PDE4D: variants seen among roughly 807,000 people sequenced by gnomAD.
PDE4D encodes the protein phosphodiesterase 4D.
In PDE4D, 24 loss-of-function variants were observed where a neutral mutation model predicts 87.4. That is an observed-to-expected ratio of 0.27 (90% CI 0.20 to 0.39). The LOEUF (loss-of-function observed/expected upper bound fraction) is 0.39. Ranked by LOEUF, PDE4D falls within the 10% of genes least tolerant of loss-of-function variation. The probability of loss-of-function intolerance (pLI) is 1.00; values close to 1 mark genes in which losing one functional copy is unlikely to be tolerated. For missense variants in PDE4D, 714 were observed against 1,041.0 expected, an observed-to-expected ratio of 0.69 and a Z score of 4.32; for synonymous variants, 384 against 383.2, an observed-to-expected ratio of 1.00 and a Z score of -0.02.
At chr5:59,454,615 G>A (rs563726291) in intron 1 of PDE4D, among the ~76,000 whole-genome samples, 235 of 152,256 alleles carry the variant, frequency 1.5e-3, no homozygotes, top group Non-Finnish European at 3.1e-3. Flanking sequence ...CAGTAGAGTG[G>A]TGCAGTGCCG....
intron 2 of PDE4D, among the ~76,000 whole-genome samples, chr5:59,212,358 G>A (rs966500239): frequency 1.3e-5 from 2 of 152,002 alleles, no homozygotes; most frequent in Admixed American, 1.3e-4. Flanking sequence ...TCTAGGAGTT[G>A]GTATCAAAGG....
intron 5 of PDE4D, chr5:59,039,276 G>A: frequency 1.7e-6 from 2 of 1,151,668 alleles, no homozygotes; most frequent in Non-Finnish European, 2.1e-6. Flanking sequence ...AAACCACTAT[G>A]CGACTTTTCA....
intron 1 of PDE4D, among the ~76,000 whole-genome samples, chr5:59,251,545 T>C (rs980321176): frequency 6.6e-6 from 1 of 152,108 alleles, no homozygotes; most frequent in Non-Finnish European, 1.5e-5. Context: ...AGCAAGGTTG[T>C]AGAGAAAAGG....
At chr5:59,278,362 G>A (rs1765212836) in intron 1 of PDE4D, among the ~76,000 whole-genome samples, 1 of 152,052 alleles carries the variant, frequency 6.6e-6, no homozygotes, top group South Asian at 2.1e-4. Context: ...GGGGAGACTG[G>A]ATTTAGGAAC....
intron 1 of PDE4D, among the ~76,000 whole-genome samples, chr5:59,504,062 G>C (rs1808796861): frequency 6.6e-6 from 1 of 151,162 alleles, no homozygotes. Context: ...TTCTTTTGAA[G>C]AATCCTTGTA....
rs370424350 is a variant in PDE4D, at chr5:60,447,576, C to G, written c.-90+40366G>C. On this transcript the variant is annotated intron_variant, in intron 1 of 16. Coordinates refer to the PDE4D transcript ENST00000502484. ...AAAAGAAAGAAAACAAATACCCACACAAATCAGTGTGTGTTTAACAAGGGA... is the reference window on the plus strand; with the variant it reads ...AAAAGAAAGAAAACAAATACCCACAGAAATCAGTGTGTGTTTAACAAGGGA... 9.9e-5 allele frequency among the ~76,000 whole-genome samples: 15 copies of G among 151,998 alleles called. No individual in the cohort carries two copies. In the East Asian group the frequency reaches 2.3e-3, roughly 24 times the overall value.
chr5:59,449,420 G>A (rs140596086), intron 1 of PDE4D, among the ~76,000 whole-genome samples: 84 of 152,204 alleles, frequency 5.5e-4, no homozygotes, highest in Non-Finnish European at 1.1e-3. Context: ...TCCTTCTAAC[G>A]TCGTTATAAA....
intron 1 of PDE4D, among the ~76,000 whole-genome samples, chr5:59,330,397 G>A (rs1235460536): frequency 6.6e-6 from 1 of 152,044 alleles, no homozygotes; most frequent in Non-Finnish European, 1.5e-5. Flanking sequence ...CAGGCAACCT[G>A]TTCTTGGTGG....
chr5:60,080,410 A>G (rs998684144), intron 2 of PDE4D, among the ~76,000 whole-genome samples: 1 of 152,160 alleles, frequency 6.6e-6, no homozygotes, highest in Non-Finnish European at 1.5e-5. Flanking sequence ...AGAACTTCCA[A>G]TACAATGTAG....
intron 3 of PDE4D, among the ~76,000 whole-genome samples, chr5:59,966,437 A>G (rs113985141): frequency 0.013 from 2,037 of 152,320 alleles, 28 homozygotes; most frequent in Non-Finnish European, 0.021. Context: ...TCTCAGGTGT[A>G]TAGGCCTATG....
chr5:59,323,946 C>T (rs1037967404), intron 1 of PDE4D, among the ~76,000 whole-genome samples: 2 of 152,128 alleles, frequency 1.3e-5, no homozygotes, highest in African/African-American at 4.8e-5. Context: ...GACTCCCCAA[C>T]TTATGCTCTA....
chr5:60,305,063 AC>A (rs1754361025), intron 1 of PDE4D, among the ~76,000 whole-genome samples: 1 of 138,562 alleles, frequency 7.2e-6, no homozygotes. Flanking sequence ...ACACACACAC[AC>A]ACACACAACA....
intron 1 of PDE4D, among the ~76,000 whole-genome samples, chr5:59,864,051 A>G (rs1402332012): frequency 6.6e-6 from 1 of 152,110 alleles, no homozygotes; most frequent in African/African-American, 2.4e-5. Context: ...GCTGAAATTA[A>G]CTGAAATATC....
At chr5:59,437,989 G>A (rs575306805) in intron 1 of PDE4D, among the ~76,000 whole-genome samples, 1 of 152,196 alleles carries the variant, frequency 6.6e-6, no homozygotes, top group African/African-American at 2.4e-5. Context: ...GTGCCAGCAG[G>A]GGAAACACTA....
chr5:60,294,877 C>T, intron 1 of PDE4D, among the ~76,000 whole-genome samples: 1 of 151,988 alleles, frequency 6.6e-6, no homozygotes, highest in East Asian at 1.9e-4. Flanking sequence ...TTAGAATAAG[C>T]TTGTCAATTC....
At chr5:60,234,711 A>G (rs1746227731) in intron 1 of PDE4D, among the ~76,000 whole-genome samples, 1 of 151,848 alleles carries the variant, frequency 6.6e-6, no homozygotes, top group Admixed American at 6.6e-5. Context: ...TTAGTAATTC[A>G]ATCTGTTTAC....
intron 2 of PDE4D, among the ~76,000 whole-genome samples, chr5:60,012,988 G>A (rs997547515): frequency 1.3e-5 from 2 of 152,026 alleles, no homozygotes; most frequent in African/African-American, 4.8e-5. Flanking sequence ...TTGCCTCTGC[G>A]CCCCATAGCT....
rs529941231 is a variant in PDE4D, at chr5:59,274,027, T to A, written c.456-58059A>T. Among the ~76,000 whole-genome samples the A allele has an allele frequency of 3.3e-5, 5 of 152,268 alleles. No individual in the cohort carries two copies. In the South Asian group the frequency reaches 1.0e-3, roughly 32 times the overall value. ...GGAATGGTATAAATTATAAATGAGT[T>A]AAATTCATGTATATTATAAATTCTG... is the stretch of plus-strand genomic sequence containing the variant. On this transcript the variant is annotated intron_variant, in intron 1 of 14. Transcript: ENST00000340635.
chr5:59,771,132 A>AAAATAAATAAATAAATAAAT (rs201697322), intron 1 of PDE4D, among the ~76,000 whole-genome samples: 101 of 143,234 alleles, frequency 7.1e-4, no homozygotes, highest in African/African-American at 2.5e-3. Context: ...ACCCAGCCTC[A>AAAATAAATAAATAAATAAAT]AAATAAATAA....
Sources: gnomAD v4.1 joint callset for allele counts (sites outside exome capture counted in the v4.1 genomes callset) on GRCh38, gnomAD v4.1.1 for gene constraint, MANE v1.5 for transcripts, NCBI Gene and HGNC (gene_info 2026-07-23, HGNC 2026-07-21) for gene names.